The following AGTPBP1 variants were observed in gnomAD, a reference collection of about 807,000 sequenced individuals.
AGTPBP1 encodes cytosolic carboxypeptidase 1.
In AGTPBP1, 70 loss-of-function variants were observed where a neutral mutation model predicts 143.9. That is an observed-to-expected ratio of 0.49 (90% CI 0.40 to 0.59). The LOEUF (loss-of-function observed/expected upper bound fraction) is 0.59, where lower values mean the gene tolerates loss of function less well. AGTPBP1 is among the 20% of genes least tolerant of loss of function. The probability of loss-of-function intolerance (pLI) is 0.00; values close to 1 mark genes in which losing one functional copy is unlikely to be tolerated. For synonymous variants in AGTPBP1, 463 were observed against 500.2 expected, an observed-to-expected ratio of 0.93 and a Z score of 0.99; for missense variants, 1,229 against 1,464.5, an observed-to-expected ratio of 0.84 and a Z score of 2.62.
Position 85,547,303 on chromosome 9 carries a change from CAGA to C in AGTPBP1, c.3504-20_3504-18del. The C allele has an allele frequency of 6.3e-7, 1 of 1,595,330 alleles. No homozygotes were observed. The highest frequency in any genetic ancestry group is 8.5e-7 in the Non-Finnish European group (1 of 1,171,808). Reference sequence around the variant, plus strand: ...GTGGTAGGGCTGCAGCCAAAACACACAGAACATACAAGACTTTGTGAGGTCTTA... The same window carrying C: ...GTGGTAGGGCTGCAGCCAAAACACACACATACAAGACTTTGTGAGGTCTTA... On this transcript the variant is annotated intron_variant, in intron 25 of 25. Coordinates refer to ENST00000357081, the MANE Select transcript of AGTPBP1 (RefSeq NM_001330701.2).
chr9:85,598,355 C>T (rs1829429919), intron 17 of AGTPBP1, among the ~76,000 whole-genome samples: 2 of 152,190 alleles, frequency 1.3e-5, no homozygotes, highest in South Asian at 4.1e-4. Flanking sequence ...ACTGGACTCC[C>T]AGATTAGTAC....
intron 2 of AGTPBP1, among the ~76,000 whole-genome samples, chr9:85,702,970 GT>G (rs1208151809): frequency 6.6e-6 from 1 of 152,116 alleles, no homozygotes; most frequent in African/African-American, 2.4e-5. Context: ...TTGTCAAACT[GT>G]TGCAAAACAA....
At chr9:85,770,980 G>A in the AGTPBP1 span, among the ~76,000 whole-genome samples, 3 of 152,114 alleles carry the variant, frequency 2.0e-5, no homozygotes, top group African/African-American at 7.2e-5. Context: ...TAACCTGAAT[G>A]TGCTTAAATC....
At chr9:85,615,675 A>G in intron 17 of AGTPBP1, among the ~76,000 whole-genome samples, 1 of 152,052 alleles carries the variant, frequency 6.6e-6, no homozygotes, top group Admixed American at 6.6e-5. Flanking sequence ...AAAATGTTAA[A>G]CAATGGTTTT....
the AGTPBP1 span, among the ~76,000 whole-genome samples, chr9:85,805,180 C>G: frequency 6.6e-6 from 1 of 152,164 alleles, no homozygotes; most frequent in Admixed American, 6.5e-5. Flanking sequence ...CTCGGGCGCT[C>G]ACGTCACCGG....
intron 11 of AGTPBP1, among the ~76,000 whole-genome samples, chr9:85,652,971 G>A (rs561537948): frequency 1.0e-3 from 156 of 152,312 alleles, no homozygotes; most frequent in Non-Finnish European, 1.8e-3. Flanking sequence ...TGGTTGGTAT[G>A]AGGACAAAAG....
chr9:85,596,270 T>C (rs1454135318), intron 18 of AGTPBP1, 92 bp downstream of exon 18: 1 of 841,502 alleles, frequency 1.2e-6, no homozygotes, highest in East Asian at 2.7e-5. Flanking sequence ...TATGCAATAA[T>C]AACTCTACTG....
chr9:85,569,736 C>T (rs903990787), intron 25 of AGTPBP1, among the ~76,000 whole-genome samples: 2 of 152,222 alleles, frequency 1.3e-5, no homozygotes, highest in Non-Finnish European at 2.9e-5. Flanking sequence ...GCAGCCACCA[C>T]TCTCCTCAGA....
chr9:85,598,593 C>T (rs934405804), intron 17 of AGTPBP1, among the ~76,000 whole-genome samples: 1 of 152,138 alleles, frequency 6.6e-6, no homozygotes, highest in Non-Finnish European at 1.5e-5. Flanking sequence ...TGCCATGTGG[C>T]CAGGGTTGTT....
intron 1 of AGTPBP1, chr9:85,741,383 C>A (rs1451540332): frequency 2.0e-6 from 2 of 985,298 alleles, no homozygotes; most frequent in Non-Finnish European, 1.2e-6. Flanking sequence ...CGCCCGCCCC[C>A]GGCCCTGCAG....
chr9:85,729,745 GA>G (rs1372376725), intron 1 of AGTPBP1, among the ~76,000 whole-genome samples: 1 of 151,120 alleles, frequency 6.6e-6, no homozygotes, highest in Non-Finnish European at 1.5e-5. Flanking sequence ...CTCTTCCAAA[GA>G]ATATATTAAA....
intron 2 of AGTPBP1, among the ~76,000 whole-genome samples, chr9:85,708,974 T>C (rs952906096): frequency 2.6e-5 from 4 of 152,216 alleles, no homozygotes; most frequent in Admixed American, 2.0e-4. Flanking sequence ...GAGGAAATAC[T>C]TCCTGATTCC....
intron 11 of AGTPBP1, among the ~76,000 whole-genome samples, chr9:85,648,206 C>T (rs1468377383): frequency 6.6e-6 from 1 of 152,118 alleles, no homozygotes; most frequent in Non-Finnish European, 1.5e-5. Context: ...TTTCTGTGGG[C>T]ATTAGAGAAG....
intron 11 of AGTPBP1, among the ~76,000 whole-genome samples, chr9:85,647,089 C>A (rs1375931660): frequency 6.6e-6 from 1 of 152,064 alleles, no homozygotes; most frequent in African/African-American, 2.4e-5. Context: ...ACTGGCCTGA[C>A]CAACATGGAG....
intron 14 of AGTPBP1, among the ~76,000 whole-genome samples, chr9:85,621,607 G>A (rs986052743): frequency 6.6e-6 from 1 of 151,968 alleles, no homozygotes; most frequent in Non-Finnish European, 1.5e-5. Flanking sequence ...TAACCCTTGG[G>A]CAAATAATTC....
intron 25 of AGTPBP1, among the ~76,000 whole-genome samples, chr9:85,567,070 G>A (rs1292894316): frequency 6.6e-6 from 1 of 152,154 alleles, no homozygotes; most frequent in Non-Finnish European, 1.5e-5. Flanking sequence ...GGAGCCCTGA[G>A]AGGGCCAGGT....
At chr9:85,572,334 G>A (rs912299864) in intron 25 of AGTPBP1, among the ~76,000 whole-genome samples, 7 of 151,790 alleles carry the variant, frequency 4.6e-5, no homozygotes, top group Non-Finnish European at 7.4e-5. Flanking sequence ...CGGCTGGCTT[G>A]GTTTGTATTT....
chr9:85,629,867 G>A (rs897490199), intron 14 of AGTPBP1, among the ~76,000 whole-genome samples: 6 of 152,188 alleles, frequency 3.9e-5, no homozygotes, highest in African/African-American at 1.2e-4. Context: ...TAAAGTCCAT[G>A]AGAGGAAATA....
At chr9:85,724,222 G>C (rs1034055735) in intron 1 of AGTPBP1, among the ~76,000 whole-genome samples, 1 of 151,030 alleles carries the variant, frequency 6.6e-6, no homozygotes. Flanking sequence ...GGGAGGCAGG[G>C]GTTACAGTGA....
Sources: allele counts gnomAD v4.1 joint callset (sites outside exome capture counted in the v4.1 genomes callset), GRCh38; gene constraint gnomAD v4.1.1; transcripts MANE v1.5; gene names NCBI Gene and HGNC (gene_info 2026-07-23, HGNC 2026-07-21).